The following ARB2A variants were observed in gnomAD, a reference collection of about 807,000 sequenced individuals.
ARB2A encodes ARB2 cotranscriptional regulator A.
At chr5:94,096,174 T>G in the ARB2A span, among the ~76,000 whole-genome samples, 3 of 152,224 alleles carry the variant, frequency 2.0e-5, no homozygotes, top group Admixed American at 1.3e-4. Flanking sequence ...TCAAGAAGAA[T>G]GGGTAATTCA....
chr5:94,097,643 C>T, the ARB2A span, among the ~76,000 whole-genome samples: 9 of 152,144 alleles, frequency 5.9e-5, no homozygotes, highest in Admixed American at 5.9e-4. Context: ...GGGGCCTCCC[C>T]AGCCACATGT....
the ARB2A span, chr5:93,959,046 C>G: frequency 1.1e-6 from 1 of 934,208 alleles, no homozygotes; most frequent in African/African-American, 1.7e-5. Flanking sequence ...CAACTAATGG[C>G]TGTTACAAAG....
chr5:94,007,539 A>G, the ARB2A span, among the ~76,000 whole-genome samples: 4 of 152,104 alleles, frequency 2.6e-5, no homozygotes, highest in Non-Finnish European at 5.9e-5. Context: ...TTGGGAGGCC[A>G]AGGCGGGCAG....
At chr5:93,979,515 T>C in the ARB2A span, among the ~76,000 whole-genome samples, 71 of 152,192 alleles carry the variant, frequency 4.7e-4, no homozygotes, top group Non-Finnish European at 9.1e-4. Flanking sequence ...AAAAAGCAAA[T>C]GTTGATGCTC....
At chr5:93,930,380 A>G in the ARB2A span, among the ~76,000 whole-genome samples, 1 of 152,350 alleles carries the variant, frequency 6.6e-6, no homozygotes, top group South Asian at 2.1e-4. Flanking sequence ...TCCAGCAGTA[A>G]GAGTTGCACT....
the ARB2A span, among the ~76,000 whole-genome samples, chr5:93,858,907 T>C: frequency 3.9e-5 from 6 of 152,164 alleles, no homozygotes; most frequent in Non-Finnish European, 8.8e-5. Context: ...TTGTTGGTAG[T>C]GGCAGTATAA....
chr5:93,983,751 G>A, the ARB2A span, among the ~76,000 whole-genome samples: 2 of 152,188 alleles, frequency 1.3e-5, no homozygotes, highest in Admixed American at 1.3e-4. Context: ...AAAATCACAC[G>A]CTCTTGATAT....
At chr5:94,059,498 G>A in the ARB2A span, among the ~76,000 whole-genome samples, 5 of 150,758 alleles carry the variant, frequency 3.3e-5, no homozygotes, top group African/African-American at 1.2e-4. Context: ...GCACGCGCCT[G>A]TAATCCCAGG....
At chr5:93,668,896 A>C in the ARB2A span, among the ~76,000 whole-genome samples, 1 of 152,192 alleles carries the variant, frequency 6.6e-6, no homozygotes, top group Non-Finnish European at 1.5e-5. Context: ...GCATCTACTC[A>C]ATCTACCAGG....
chr5:94,016,306 G>A, the ARB2A span, among the ~76,000 whole-genome samples: 2 of 152,262 alleles, frequency 1.3e-5, no homozygotes, highest in East Asian at 3.9e-4. Context: ...TGGTATCATT[G>A]GCTTCCTTAA....
chr5:93,824,759 T>C, the ARB2A span, among the ~76,000 whole-genome samples: 1 of 152,352 alleles, frequency 6.6e-6, no homozygotes, highest in African/African-American at 2.4e-5. Context: ...TTACCCTTGT[T>C]TGATGAGAGG....
At chr5:93,907,900 T>A in the ARB2A span, among the ~76,000 whole-genome samples, 1 of 151,286 alleles carries the variant, frequency 6.6e-6, no homozygotes, top group African/African-American at 2.4e-5. Flanking sequence ...ATTTCTTTAG[T>A]AGGATAAGCT....
chr5:93,662,434 A>T, the ARB2A span, among the ~76,000 whole-genome samples: 1 of 152,230 alleles, frequency 6.6e-6, no homozygotes. Context: ...TTTAATTGTC[A>T]TAATTATAGC....
At chr5:93,830,329 A>G in the ARB2A span, among the ~76,000 whole-genome samples, 4,075 of 137,398 alleles carry the variant, frequency 0.03, 278 homozygotes, top group East Asian at 0.14. Context: ...ATATATATAT[A>G]TATATATATA....
the ARB2A span, among the ~76,000 whole-genome samples, chr5:93,755,142 A>G: frequency 6.6e-6 from 1 of 152,314 alleles, no homozygotes; most frequent in Middle Eastern, 3.4e-3. Context: ...CCTTCTGATG[A>G]ACTCAAAATG....
chr5:93,646,331 C>T, the ARB2A span, among the ~76,000 whole-genome samples: 133 of 149,106 alleles, frequency 8.9e-4, no homozygotes, highest in African/African-American at 3.2e-3. Flanking sequence ...GTTTTTTTTT[C>T]TGAGGTCTTC....
the ARB2A span, among the ~76,000 whole-genome samples, chr5:93,687,627 A>AT: frequency 6.6e-6 from 1 of 152,186 alleles, no homozygotes; most frequent in Non-Finnish European, 1.5e-5. Flanking sequence ...AGAACGTATT[A>AT]TTTTTATAAT....
the ARB2A span, among the ~76,000 whole-genome samples, chr5:93,628,896 C>T: frequency 1.7e-3 from 257 of 152,310 alleles, 1 homozygote; most frequent in Non-Finnish European, 2.7e-3. Context: ...GCTTTCTTAT[C>T]ATTCATGTGT....
At chr5:94,045,096 C>G in the ARB2A span, among the ~76,000 whole-genome samples, 1 of 102,542 alleles carries the variant, frequency 9.8e-6, no homozygotes, top group Non-Finnish European at 1.8e-5. Flanking sequence ...CCAGCCTGGG[C>G]AACAGAGCAA....
Sources: gnomAD v4.1 joint callset for allele counts (sites outside exome capture counted in the v4.1 genomes callset) on GRCh38, gnomAD v4.1.1 for gene constraint, MANE v1.5 for transcripts, NCBI Gene and HGNC (gene_info 2026-07-23, HGNC 2026-07-21) for gene names.